PCDH15: variants seen among roughly 807,000 people sequenced by gnomAD.
PCDH15 encodes protocadherin-15.
PCDH15 carries 129 observed loss-of-function variants against 178.5 expected under a neutral mutation model. The observed-to-expected ratio is 0.72, with a 90% CI of 0.63 to 0.84. PCDH15 has a LOEUF of 0.84. Ranked by LOEUF, PCDH15 falls within the 40% of genes least tolerant of loss-of-function variation. PCDH15 has a pLI of 0.00. For missense variants in PCDH15, 2,230 were observed against 2,099.9 expected (o/e 1.06, Z -1.21); for synonymous variants, 800 against 732.0 (o/e 1.09, Z -1.50).
intron 14 of PCDH15, among the ~76,000 whole-genome samples, chr10:54,145,680 A>G (rs755630760): frequency 5.3e-5 from 8 of 152,092 alleles, no homozygotes; most frequent in Non-Finnish European, 7.4e-5. Flanking sequence ...AATTTACAGA[A>G]GATTAAAGAA....
chr10:54,788,784 G>A (rs1951127373), intron 1 of PCDH15, among the ~76,000 whole-genome samples: 1 of 151,716 alleles, frequency 6.6e-6, no homozygotes. Context: ...CAAGTCATTG[G>A]TGACAACTGG....
chr10:53,861,771 T>C lies in PCDH15; in HGVS notation c.3718-4508A>G, dbSNP rs1371201718. 2.0e-5 allele frequency among the ~76,000 whole-genome samples: 3 copies of C among 152,190 alleles called. 1 individual carries two copies. Among genetic ancestry groups the C allele is most frequent in the Non-Finnish European group, 4.4e-5 (3 of 68,028 alleles). On this transcript the variant is annotated intron_variant, in intron 27 of 37. Transcript: ENST00000644397. ...ACTTATAGTACATCTCCGTGTGACC[T>C]AGCCATGTTGCAAATATTCAATAGC...
intron 2 of PCDH15, among the ~76,000 whole-genome samples, chr10:54,979,836 A>G (rs1839184055): frequency 6.6e-6 from 1 of 152,150 alleles, no homozygotes. Flanking sequence ...CAATATGTGT[A>G]ACATATTGTA....
intron 3 of PCDH15, among the ~76,000 whole-genome samples, chr10:54,821,003 T>G (rs1159055036): frequency 6.6e-6 from 1 of 152,044 alleles, no homozygotes; most frequent in Non-Finnish European, 1.5e-5. Context: ...ACACACATGA[T>G]GGATACAGTA....
intron 3 of PCDH15, among the ~76,000 whole-genome samples, chr10:54,836,397 A>G (rs1339815065): frequency 6.6e-6 from 1 of 152,108 alleles, no homozygotes; most frequent in African/African-American, 2.4e-5. Flanking sequence ...ACCCACACCC[A>G]CACTCATAGC....
intron 2 of PCDH15, among the ~76,000 whole-genome samples, chr10:54,570,801 G>A (rs1224423053): frequency 6.7e-6 from 1 of 148,388 alleles, no homozygotes; most frequent in Non-Finnish European, 1.5e-5. Flanking sequence ...GCAGGCATGT[G>A]CCACCACGCC....
chr10:54,177,811 G>A (rs1022071128), intron 13 of PCDH15, among the ~76,000 whole-genome samples: 3 of 152,094 alleles, frequency 2.0e-5, no homozygotes, highest in Admixed American at 6.6e-5. Flanking sequence ...TTGAGTGTCT[G>A]TGTTTGTTTA....
chr10:54,164,496 C>A (rs1173525006), intron 13 of PCDH15, among the ~76,000 whole-genome samples: 1 of 152,084 alleles, frequency 6.6e-6, no homozygotes, highest in Non-Finnish European at 1.5e-5. Context: ...AACTAATATA[C>A]CCAGTTGAAT....
intron 13 of PCDH15, among the ~76,000 whole-genome samples, chr10:54,174,172 G>A (rs2047184726): frequency 6.6e-6 from 1 of 152,156 alleles, no homozygotes; most frequent in South Asian, 2.1e-4. Context: ...GAGGGAAAGA[G>A]GAGACATAAA....
intron 2 of PCDH15, among the ~76,000 whole-genome samples, chr10:54,537,596 C>A (rs1228749307): frequency 2.0e-5 from 3 of 152,090 alleles, no homozygotes; most frequent in African/African-American, 7.2e-5. Context: ...GGCTTCATTC[C>A]TAGGATGCAA....
At chr10:54,509,352 C>G (rs561761278) in intron 3 of PCDH15, among the ~76,000 whole-genome samples, 1 of 152,130 alleles carries the variant, frequency 6.6e-6, no homozygotes, top group South Asian at 2.1e-4. Context: ...TCCCCTTTCA[C>G]TTGGCTCTCA....
In PCDH15 at chr10:54,401,466, A is replaced by G. The variant is rs1244902017; in HGVS notation, c.158-22524T>C. ...GTAACCTCATTAGAAATAACTCCTT[A>G]TTCTAAGAGCAAAGAGAAACCTGAA... On this transcript the variant is annotated intron_variant, in intron 3 of 37. Coordinates refer to ENST00000644397, the MANE Select transcript of PCDH15 (RefSeq NM_001384140.1). 8.5e-5 allele frequency among the ~76,000 whole-genome samples: 13 copies of G among 152,072 alleles called. No individual in the cohort carries two copies. In the East Asian group the frequency reaches 2.5e-3, roughly 29 times the overall value.
intron 9 of PCDH15, among the ~76,000 whole-genome samples, chr10:54,225,340 T>G (rs1452822650): frequency 6.6e-6 from 1 of 152,174 alleles, no homozygotes; most frequent in African/African-American, 2.4e-5. Flanking sequence ...ATTCAGAAAC[T>G]ATGTTATTAC....
chr10:54,813,423 C>T (rs1952898616), intron 3 of PCDH15, among the ~76,000 whole-genome samples: 1 of 152,154 alleles, frequency 6.6e-6, no homozygotes, highest in African/African-American at 2.4e-5. Context: ...CTATTCACTA[C>T]AGTGTACTTG....
At chr10:54,321,080 T>TC (rs976470827) in intron 7 of PCDH15, among the ~76,000 whole-genome samples, 8 of 74,716 alleles carry the variant, frequency 1.1e-4, no homozygotes, top group Non-Finnish European at 2.1e-4. Context: ...CATTTGACAT[T>TC]TTTCTCAATA....
intron 21 of PCDH15, among the ~76,000 whole-genome samples, chr10:53,973,104 T>G (rs576418038): frequency 6.6e-6 from 1 of 152,066 alleles, no homozygotes; most frequent in Non-Finnish European, 1.5e-5. Context: ...TGGAATACTC[T>G]GCAGCCATAA....
chr10:54,133,050 T>C, intron 14 of PCDH15, 43 bp from the exon 15 acceptor site: 3 of 1,613,008 alleles, frequency 1.9e-6, no homozygotes, highest in South Asian at 1.1e-5. Context: ...CGAATCTGCA[T>C]CACATTTAAT....
chr10:54,254,008 C>A (rs1056469233), intron 8 of PCDH15, among the ~76,000 whole-genome samples: 1 of 151,990 alleles, frequency 6.6e-6, no homozygotes, highest in African/African-American at 2.4e-5. Flanking sequence ...TAATTATATT[C>A]TTTGCAGAAA....
At chr10:53,985,316 C>T (rs543743172) in intron 21 of PCDH15, among the ~76,000 whole-genome samples, 1 of 152,260 alleles carries the variant, frequency 6.6e-6, no homozygotes, top group Admixed American at 6.5e-5. Flanking sequence ...TCCTGCTGCA[C>T]CAGAAGTTCA....
Sources: gnomAD v4.1 joint callset for allele counts (sites outside exome capture counted in the v4.1 genomes callset) on GRCh38, gnomAD v4.1.1 for gene constraint, MANE v1.5 for transcripts, NCBI Gene and HGNC (gene_info 2026-07-23, HGNC 2026-07-21) for gene names.